Variants in OGFR observed in about 807,000 individuals in gnomAD.
OGFR encodes the protein protein 7-60.
OGFR carries 18 observed loss-of-function variants against 33.6 expected under a neutral mutation model. That is an observed-to-expected ratio of 0.54 (90% CI 0.37 to 0.80). The LOEUF (loss-of-function observed/expected upper bound fraction) is 0.80. OGFR is among the 30% of genes least tolerant of loss of function. The probability of loss-of-function intolerance (pLI) is 0.00; values close to 1 mark genes in which losing one functional copy is unlikely to be tolerated. For missense variants in OGFR, 877 were observed against 955.8 expected (o/e 0.92, Z 1.09); for synonymous variants, 370 against 400.7 (o/e 0.92, Z 0.91).
rs200690948 is a variant in OGFR at position 62,812,698 on chromosome 20, C to A, written c.1083C>A (p.Ser361Arg). The change falls in exon 7 of 7, where the codon AGC becomes AGA. Residue 361 changes from serine to arginine, a missense_variant. Ser to Arg is a moderately radical substitution (Grantham distance 110). Transcript: ENST00000290291. ...AGGATGCGGGACCCCTGGAGAGGAG[C>A]CAGGGGGATGAGGCAGGGGGCCACG... ...EPQDAGPLER[S>R]QGDEAGGHGE... 3 of 1,578,186 alleles carry A rather than the reference C, an allele frequency of 1.9e-6. No individual in the cohort carries two copies. The highest frequency in any genetic ancestry group is 1.9e-5 in the Admixed American group (1 of 53,548).
intron 3 of OGFR, among the ~76,000 whole-genome samples, chr20:62,809,325 G>A (rs112652589): frequency 3.3e-5 from 5 of 152,188 alleles, no homozygotes; most frequent in African/African-American, 7.2e-5. Context: ...GGGACCTTCC[G>A]GGCTCTCAGT....
In OGFR at chr20:62,812,892, C is replaced by A. The variant is rs140358759; in HGVS notation, c.1277C>A (p.Thr426Lys). Residue 426 changes from threonine to lysine, a missense_variant, in exon 7 of 7, where the codon ACG becomes AAG. Transcript: ENST00000290291. ...GCALSQGSLR[T>K]GTQEVGGQDP... is the part of the protein sequence containing the mutation. ...GCCCTCAGCCAGGGCAGCCTCAGGACGGGGACCCAGGAAGTGGGCGGTCAG... is the reference window on the plus strand; with the variant it reads ...GCCCTCAGCCAGGGCAGCCTCAGGAAGGGGACCCAGGAAGTGGGCGGTCAG... 6.2e-7 allele frequency: 1 copy of A among 1,612,456 alleles called. No individual in the cohort carries two copies. Among genetic ancestry groups the A allele is most frequent in the Non-Finnish European group, 8.5e-7 (1 of 1,179,878 alleles).
chr20:62,807,148 A>G (rs1438755272), intron 1 of OGFR: 1 of 253,522 alleles, frequency 3.9e-6, no homozygotes, highest in Non-Finnish European at 7.7e-6. Flanking sequence ...AACAGAGGCT[A>G]AAGCCAGGGT....
At chr20:62,808,639 C>T (rs892862299) in intron 3 of OGFR, among the ~76,000 whole-genome samples, 45 of 152,208 alleles carry the variant, frequency 3.0e-4, no homozygotes, top group Non-Finnish European at 8.8e-5. Flanking sequence ...TGTAAACCAA[C>T]GAGCTAAGGA....
At chr20:62,807,500 C>T in intron 1 of OGFR, 37 bp from the exon 2 acceptor site, 1 of 1,600,548 alleles carries the variant, frequency 6.2e-7, no homozygotes, top group East Asian at 2.2e-5. Flanking sequence ...TTGGGGGTCT[C>T]CCATGGGGGT....
chr20:62,812,886 T>C lies in OGFR; in HGVS notation c.1271T>C (p.Leu424Pro). The C allele has an allele frequency of 6.2e-7, 1 of 1,612,398 alleles. No individual in the cohort carries two copies. The highest frequency in any genetic ancestry group is 8.5e-7 in the Non-Finnish European group (1 of 1,179,896). ...LEGCALSQGS[L>P]RTGTQEVGGQ... ...GGGTGTGCCCTCAGCCAGGGCAGCC[T>C]CAGGACGGGGACCCAGGAAGTGGGC... is the stretch of plus-strand genomic sequence containing the variant. Residue 424 changes from leucine (L) to proline (P), a missense_variant, in exon 7 of 7, where the codon CTC becomes CCC. Physicochemically the swap from Leu to Pro is moderately conservative, Grantham distance 98 (BLOSUM62 -3). This residue lies in a region of OGFR where 760 missense variants were observed against 736.0 expected (regional missense o/e 1.03). Transcript: ENST00000290291.
At position 62,812,365 on chromosome 20, in the gene OGFR, G is replaced by A; in HGVS notation, c.750G>A (p.Arg250=). The A allele has an allele frequency of 6.4e-7, 1 of 1,562,928 alleles. No homozygotes were observed. Among genetic ancestry groups the A allele is most frequent in the Admixed American group, 1.9e-5 (1 of 52,862 alleles). ...TGCGGCGGGAGCTGCCGGGGGTGCG[G>A]CAGAGTGCCCTGGACTACTTCATGT... ...TLVRRELPGV[R]QSALDYFMFA... is the part of the protein sequence containing the mutation. Residue 250 remains arginine, a synonymous_variant, in exon 7 of 7, where the codon CGG becomes CGA. Transcript: ENST00000290291.
At position 62,811,626 on chromosome 20, in the gene OGFR, T is replaced by TGGGGGCCC; in HGVS notation, c.614+16_614+17insGGGGGCCC. ...ACCTGAACTGGTGAGGCCCGGCTGC[T>TGGGGGCCC]CCCGCCCACCCCCACCCCGGCGCAG... On this transcript the variant is annotated intron_variant, in intron 6 of 6. Transcript: ENST00000290291. 6.7e-7 allele frequency: 1 copy of TGGGGGCCC among 1,502,502 alleles called. No homozygotes were observed. 93.1% of individuals were successfully genotyped at this position (1,502,502 alleles called of 1,614,324 possible).
Position 62,812,299 on chromosome 20 carries a change from C to T in OGFR, c.684C>T (p.Phe228=), listed in dbSNP as rs760825321. 1 of 1,548,560 alleles carries T rather than the reference C, an allele frequency of 6.5e-7. No individual in the cohort carries two copies. The highest frequency in any genetic ancestry group is 8.7e-7 in the Non-Finnish European group (1 of 1,146,842). Residue 228 remains phenylalanine, a synonymous_variant, in exon 7 of 7, where the codon TTC becomes TTT. Transcript: ENST00000290291. The part of the protein sequence containing the change: ...KSLGELGLEH[F]QAPLVRFFLE... ...TGGGTGAGCTGGGCCTCGAGCACTT[C>T]CAGGCGCCGCTGGTCCGCTTCTTCC...
intron 6 of OGFR, 27 bp downstream of exon 6, chr20:62,811,637 C>T: frequency 3.3e-6 from 5 of 1,535,762 alleles, no homozygotes; most frequent in South Asian, 1.2e-5. Context: ...CCCGCCCACC[C>T]CCACCCCGGC....
chr20:62,813,860 CTG>C lies in OGFR; in HGVS notation c.*215_*216del. ...GGCCTGCAGAAGCCTCCTGGCCTGG[CTG>C]TGTCTTCCCCACCCAGCTCTCCCCT... On this transcript the variant is annotated 3_prime_UTR_variant, in exon 7 of 7. Transcript: ENST00000290291. The C allele has an allele frequency of 1.6e-6, 1 of 610,930 alleles. No homozygotes were observed. Among genetic ancestry groups the C allele is most frequent in the Non-Finnish European group, 2.9e-6 (1 of 347,930 alleles). The allele number at this position is 610,930 out of a possible 1,614,324, so 37.8% of individuals were successfully genotyped here. A position where few individuals can be genotyped will look rare whatever the true frequency, so the allele number is the denominator to read the frequency against.
At position 62,810,487 on chromosome 20, in the gene OGFR, C is replaced by T; in HGVS notation, c.399-12C>T. The T allele has an allele frequency of 6.2e-7, 1 of 1,613,104 alleles. No individual in the cohort carries two copies. The highest frequency in any genetic ancestry group is 8.5e-7 in the Non-Finnish European group (1 of 1,179,700). On this transcript the variant is annotated splice_polypyrimidine_tract_variant and intron_variant, in intron 4 of 6. Transcript: ENST00000290291. ...CTCCTAATCCCTTGCCTGAGCATCTCTTCTCCTGCAGGCTGTTTCCTCTGC... is the reference window on the plus strand; with the variant it reads ...CTCCTAATCCCTTGCCTGAGCATCTTTTCTCCTGCAGGCTGTTTCCTCTGC...
chr20:62,810,375 C>G lies in OGFR; in HGVS notation c.399-124C>G, dbSNP rs901954126. On this transcript the variant is annotated intron_variant, in intron 4 of 6. Coordinates refer to ENST00000290291, the MANE Select transcript of OGFR (RefSeq NM_007346.4). ...CCTCGCTCCTCCACCTAGCCACTCC[C>G]TCCTAGAGTTGAGCCTGGGAACCCA... The G allele has an allele frequency of 4.2e-5, 37 of 883,086 alleles. No homozygotes were observed. The African/African-American group carries it at 5.7e-4, about 14-fold the overall frequency. The allele number at this position is 883,086 out of a possible 1,614,324, so 54.7% of individuals were successfully genotyped here.
At chr20:62,808,872 G>T (rs138680078) in intron 3 of OGFR, among the ~76,000 whole-genome samples, 1 of 151,088 alleles carries the variant, frequency 6.6e-6, no homozygotes, top group Non-Finnish European at 1.5e-5. Flanking sequence ...CTACTCAGGA[G>T]GCTGAGGCAG....
chr20:62,807,856 G>A (rs1261055953), intron 2 of OGFR: 7 of 601,346 alleles, frequency 1.2e-5, no homozygotes, highest in African/African-American at 1.1e-4. Flanking sequence ...CATGGCCATA[G>A]TGCCAGCCTC....
chr20:62,806,564 G>C (rs115130557), intron 1 of OGFR: 1 of 152,010 alleles, frequency 6.6e-6, no homozygotes, highest in Admixed American at 6.6e-5. Flanking sequence ...GCTCCATCTC[G>C]AGGGGAAAAA....
chr20:62,807,176 C>A, intron 1 of OGFR: 1 of 309,556 alleles, frequency 3.2e-6, no homozygotes, highest in African/African-American at 2.1e-5. Flanking sequence ...GCCAGCAGGC[C>A]TAGGAGGAGG....
At position 62,813,005 on chromosome 20, in the gene OGFR, GGTGCTGGGGACA is replaced by G; in HGVS notation, c.1397_1408del (p.Gly466_Ala469del). On this transcript the variant is annotated inframe_deletion, in exon 7 of 7. Coordinates refer to ENST00000290291, the MANE Select transcript of OGFR (RefSeq NM_007346.4). ...GAGGAAGCGGAGGAAGGTGGATGAG[GGTGCTGGGGACA>G]GTGCTGCGGTGGCCAGTGGTGGTGC... is the stretch of plus-strand genomic sequence containing the variant. 6.2e-7 allele frequency: 1 copy of G among 1,610,278 alleles called. No individual in the cohort carries two copies. The highest frequency in any genetic ancestry group is 1.1e-5 in the South Asian group (1 of 90,748).
At position 62,804,865 on chromosome 20, in the gene OGFR, C is replaced by T. The variant is rs1235137529; in HGVS notation, c.6C>T (p.Asp2=). M[D]DPDCDSTWEE... ...GAGCCCCGCCGCCGCCGAGCATGGA[C>T]GACCCCGACTGCGACTCCACCTGGG... The change falls in exon 1 of 7, where the codon GAC becomes GAT. Residue 2 remains aspartate, a synonymous_variant. Coordinates refer to ENST00000290291, the MANE Select transcript of OGFR (RefSeq NM_007346.4). The T allele has an allele frequency of 6.8e-7, 1 of 1,474,774 alleles. No homozygotes were observed. Among genetic ancestry groups the T allele is most frequent in the Non-Finnish European group, 9.0e-7 (1 of 1,112,140 alleles). The allele number at this position is 1,474,774 out of a possible 1,614,324, so 91.4% of individuals were successfully genotyped here. A position where few individuals can be genotyped will look rare whatever the true frequency, so the allele number is the denominator to read the frequency against.
Sources: gnomAD v4.1 joint callset for allele counts (sites outside exome capture counted in the v4.1 genomes callset) on GRCh38, gnomAD v4.1.1 for gene constraint, gnomAD v4.1.1 regional missense constraint, MANE v1.5 for transcripts, NCBI Gene and HGNC (gene_info 2026-07-23, HGNC 2026-07-21) for gene names.